The following TRMT9B variants were observed in gnomAD, a reference collection of about 807,000 sequenced individuals.
TRMT9B encodes the protein tRNA methyltransferase 9B (putative).
TRMT9B carries 16 observed loss-of-function variants against 11.5 expected under a neutral mutation model. That is an observed-to-expected ratio of 1.39 (90% CI 0.94 to 2.11). TRMT9B has a LOEUF of 2.11. Among genes scored for constraint, TRMT9B ranks in the 30% most tolerant of loss-of-function variants. The pLI, the probability that TRMT9B is intolerant of heterozygous loss-of-function variation, is 0.00. For synonymous variants in TRMT9B, 274 were observed against 192.4 expected, an observed-to-expected ratio of 1.42 and a Z score of -3.51; for missense variants, 941 against 553.8, an observed-to-expected ratio of 1.70 and a Z score of -7.02.
At chr8:12,957,734 T>G (rs1801499025) in intron 1 of TRMT9B, among the ~76,000 whole-genome samples, 1 of 152,256 alleles carries the variant, frequency 6.6e-6, no homozygotes. Context: ...TTGATTGCAT[T>G]AACTGCAACA....
chr8:13,000,913 A>G (rs1274221219), intron 2 of TRMT9B, among the ~76,000 whole-genome samples: 1 of 152,152 alleles, frequency 6.6e-6, no homozygotes, highest in Non-Finnish European at 1.5e-5. Flanking sequence ...TAGGAAATGA[A>G]GTACCTCAGG....
At position 13,021,610 on chromosome 8, in the gene TRMT9B, G is replaced by C; in HGVS notation, c.931G>C (p.Val311Leu). The part of the protein sequence containing the change: ...STKGQSLDEE[V>L]FVESSSGKHL... ...AAAAGGGCAAAGTTTAGATGAGGAA[G>C]TGTTTGTGGAATCTTCTTCTGGAAA... Residue 311 changes from valine to leucine, a missense_variant, in exon 5 of 5, where the codon GTG becomes CTG. Val to Leu is a conservative substitution (Grantham distance 32). Transcript: ENST00000524591. 3.7e-6 allele frequency: 6 copies of C among 1,613,910 alleles called. No homozygotes were observed. The highest frequency in any genetic ancestry group is 4.2e-6 in the Non-Finnish European group (5 of 1,179,848).
intron 1 of TRMT9B, among the ~76,000 whole-genome samples, chr8:12,985,830 T>C (rs1806196523): frequency 6.6e-6 from 1 of 152,130 alleles, no homozygotes; most frequent in Admixed American, 6.6e-5. Context: ...CTAATGTCCC[T>C]AATGGGCTAT....
At chr8:13,015,385 T>G (rs574865194) in intron 4 of TRMT9B, among the ~76,000 whole-genome samples, 37 of 152,262 alleles carry the variant, frequency 2.4e-4, no homozygotes, top group African/African-American at 8.7e-4. Flanking sequence ...TGAGACCAAT[T>G]TTTTTATTGG....
chr8:12,989,398 C>A (rs6531017), intron 1 of TRMT9B, among the ~76,000 whole-genome samples: 105,888 of 152,102 alleles, frequency 0.7, 37,652 homozygotes, highest in Middle Eastern at 0.82. Flanking sequence ...AAATTTGGAT[C>A]CTAATTTAGG....
intron 1 of TRMT9B, among the ~76,000 whole-genome samples, chr8:12,946,559 G>C (rs1227907295): frequency 6.6e-6 from 1 of 152,170 alleles, no homozygotes; most frequent in East Asian, 1.9e-4. Flanking sequence ...ATGTGTTGAT[G>C]TCACCCTGGT....
intron 1 of TRMT9B, among the ~76,000 whole-genome samples, chr8:12,956,999 A>C (rs1164748326): frequency 6.6e-6 from 1 of 152,180 alleles, no homozygotes; most frequent in Non-Finnish European, 1.5e-5. Flanking sequence ...TGATATTTGG[A>C]GTTGGAAAAT....
intron 1 of TRMT9B, among the ~76,000 whole-genome samples, chr8:12,950,653 C>G (rs1036838402): frequency 6.6e-6 from 1 of 152,066 alleles, no homozygotes; most frequent in Non-Finnish European, 1.5e-5. Flanking sequence ...AAGGTTTCCC[C>G]CACTCCACCC....
intron 1 of TRMT9B, chr8:12,961,931 A>G (rs963067358): frequency 3.9e-5 from 6 of 152,316 alleles, no homozygotes; most frequent in Non-Finnish European, 5.9e-5. Flanking sequence ...ACTTCTCAGC[A>G]GACCACTTCC....
At chr8:13,009,102 A>G (rs113077528) in intron 3 of TRMT9B, among the ~76,000 whole-genome samples, 1,887 of 152,282 alleles carry the variant, frequency 0.012, 44 homozygotes, top group African/African-American at 0.044. Flanking sequence ...CATTTGCGAC[A>G]ACACGGAGGA....
chr8:12,959,992 C>T (rs1801871391), intron 1 of TRMT9B: 1 of 152,216 alleles, frequency 6.6e-6, no homozygotes, highest in Admixed American at 6.5e-5. Flanking sequence ...GTGTCAAGAA[C>T]ATACGTGCAG....
intron 1 of TRMT9B, among the ~76,000 whole-genome samples, chr8:12,986,302 G>A (rs545833545): frequency 2.0e-5 from 3 of 152,190 alleles, no homozygotes; most frequent in Non-Finnish European, 4.4e-5. Context: ...CCACTGTACT[G>A]TCTTCCCTGG....
At position 13,023,026 on chromosome 8, in the gene TRMT9B, A is replaced by G. The variant is rs1302150907; in HGVS notation, c.*982A>G. On this transcript the variant is annotated 3_prime_UTR_variant, in exon 5 of 5. Coordinates refer to ENST00000524591, the MANE Select transcript of TRMT9B (RefSeq NM_020844.3). ...ATAATAAAGGCGTTGTTAGCTTGTA[A>G]GGAGTGGAGTATGTAGGTAGTAGGA... 6.0e-6 allele frequency: 1 copy of G among 166,998 alleles called. No individual in the cohort carries two copies. The highest frequency in any genetic ancestry group is 1.5e-5 in the Non-Finnish European group (1 of 68,134). The allele number at this position is 166,998 out of a possible 1,614,324, so 10.3% of individuals were successfully genotyped here.
At chr8:12,962,437 G>C (rs986771290) in intron 1 of TRMT9B, among the ~76,000 whole-genome samples, 3 of 152,072 alleles carry the variant, frequency 2.0e-5, no homozygotes, top group Non-Finnish European at 4.4e-5. Flanking sequence ...GCATACAGAA[G>C]ATTTTCGTTC....
At chr8:12,974,646 C>A (rs1214074966) in intron 1 of TRMT9B, among the ~76,000 whole-genome samples, 1 of 152,054 alleles carries the variant, frequency 6.6e-6, no homozygotes, top group South Asian at 2.1e-4. Flanking sequence ...GTCTGGAGTA[C>A]TGCCTGCGTT....
At chr8:13,002,852 C>A (rs940409311) in intron 2 of TRMT9B, among the ~76,000 whole-genome samples, 3 of 152,050 alleles carry the variant, frequency 2.0e-5, no homozygotes, top group Admixed American at 6.5e-5. Flanking sequence ...GGTAGAGGTG[C>A]GGGGACAGAG....
At position 12,981,170 on chromosome 8, in the gene TRMT9B, C is replaced by T. The variant is rs142993976; in HGVS notation, c.-199-9664C>T. On this transcript the variant is annotated intron_variant, in intron 1 of 4. Coordinates refer to ENST00000524591, the MANE Select transcript of TRMT9B (RefSeq NM_020844.3). ...GAGCTTGTGCTGGAATATAAATCCA[C>T]GAAGTCACTCTGCGGATTCCTTTTT... Among the ~76,000 whole-genome samples, 73 of 152,306 alleles carry T rather than the reference C, an allele frequency of 4.8e-4. 1 individual carries two copies. The Middle Eastern group carries it at 0.01, about 21-fold the overall frequency.
chr8:12,952,813 C>A (rs1303201639), intron 1 of TRMT9B: 3 of 337,302 alleles, frequency 8.9e-6, no homozygotes, highest in African/African-American at 6.7e-5. Flanking sequence ...GATCTCGGCT[C>A]ACTGCAACCT....
At chr8:12,966,709 A>C (rs1282234226) in intron 1 of TRMT9B, among the ~76,000 whole-genome samples, 2 of 152,318 alleles carry the variant, frequency 1.3e-5, no homozygotes, top group East Asian at 3.9e-4. Flanking sequence ...CCAATGTATG[A>C]GAGTAAGAAC....
Sources: allele counts gnomAD v4.1 joint callset (sites outside exome capture counted in the v4.1 genomes callset), GRCh38; gene constraint gnomAD v4.1.1; transcripts MANE v1.5; gene names NCBI Gene and HGNC (gene_info 2026-07-23, HGNC 2026-07-21).